SRPK2: variants seen among roughly 807,000 people sequenced by gnomAD.
The protein encoded by SRPK2 is SFRS protein kinase 2.
SRPK2 carries 21 observed loss-of-function variants against 90.8 expected under a neutral mutation model. The ratio of observed to expected loss-of-function variants is 0.23; its 90% CI spans 0.16 to 0.33. SRPK2 has a LOEUF of 0.33. SRPK2 is among the 10% of genes least tolerant of loss of function. The pLI, the probability that SRPK2 is intolerant of heterozygous loss-of-function variation, is 1.00. For missense variants in SRPK2, 620 were observed against 869.0 expected, an observed-to-expected ratio of 0.71 and a Z score of 3.60; for synonymous variants, 288 against 311.1, an observed-to-expected ratio of 0.93 and a Z score of 0.78.
chr7:105,389,801 C>T (rs1822099084), upstream of SRPK2, among the ~76,000 whole-genome samples: 1 of 152,152 alleles, frequency 6.6e-6, no homozygotes, highest in Non-Finnish European at 1.5e-5. Context: ...GCAATGTTCT[C>T]TTATTTATGT....
At chr7:105,149,401 C>A (rs922082753) in intron 7 of SRPK2, among the ~76,000 whole-genome samples, 1 of 152,134 alleles carries the variant, frequency 6.6e-6, no homozygotes, top group Non-Finnish European at 1.5e-5. Flanking sequence ...CTATTGCTCA[C>A]GTGTTTGTTG....
intron 3 of SRPK2, among the ~76,000 whole-genome samples, chr7:105,172,605 TAG>T (rs1791296112): frequency 6.6e-6 from 1 of 152,116 alleles, no homozygotes; most frequent in Non-Finnish European, 1.5e-5. Flanking sequence ...CCATACAAAG[TAG>T]ATGGTATTAT....
At chr7:105,152,259 C>T (rs1412281714) in intron 7 of SRPK2, among the ~76,000 whole-genome samples, 1 of 152,044 alleles carries the variant, frequency 6.6e-6, no homozygotes, top group African/African-American at 2.4e-5. Context: ...AAGCAATTCT[C>T]CTGCCTCAGC....
intron 2 of SRPK2, among the ~76,000 whole-genome samples, chr7:105,245,662 G>A (rs984515208): frequency 5.9e-5 from 9 of 152,192 alleles, no homozygotes; most frequent in Admixed American, 2.6e-4. Context: ...TACAGACTAC[G>A]GGGGAAAATG....
At position 105,372,135 on chromosome 7, in the gene SRPK2, A is replaced by AT. The variant is rs1491376406; in HGVS notation, c.71+16512dup. ...GGGTGACAGAGCAAGACTCCAACTC[A>AT]TAAAAAAAAAAAAAAAAAAAAAAAA... On this transcript the variant is annotated intron_variant, in intron 2 of 15. Transcript: ENST00000393651. 2.3e-5 allele frequency among the ~76,000 whole-genome samples: 2 copies of AT among 87,490 alleles called. 1 individual carries two copies. Among genetic ancestry groups the AT allele is most frequent in the Non-Finnish European group, 5.0e-5 (2 of 39,946 alleles). 57.4% of individuals were successfully genotyped at this position (87,490 alleles called of 152,430 possible).
chr7:105,320,316 T>C (rs1812800503), intron 2 of SRPK2, among the ~76,000 whole-genome samples: 1 of 152,122 alleles, frequency 6.6e-6, no homozygotes, highest in Non-Finnish European at 1.5e-5. Context: ...AATACAAAAA[T>C]TTTACCAGTT....
At chr7:105,127,109 C>CA (rs1407633169) in intron 13 of SRPK2, 47 bp from the exon 14 acceptor site, 2 of 1,584,240 alleles carry the variant, frequency 1.3e-6, no homozygotes, top group African/African-American at 2.7e-5. Flanking sequence ...GACTGGCCCC[C>CA]AAGTCAACAG....
At chr7:105,359,430 T>C (rs1056476481) in intron 2 of SRPK2, among the ~76,000 whole-genome samples, 4 of 152,086 alleles carry the variant, frequency 2.6e-5, no homozygotes, top group African/African-American at 9.7e-5. Flanking sequence ...AGTGACAAGA[T>C]TACAGGCATG....
chr7:105,123,199 A>AGG (rs1448322796), intron 15 of SRPK2, among the ~76,000 whole-genome samples: 3 of 152,218 alleles, frequency 2.0e-5, no homozygotes, highest in African/African-American at 7.2e-5. Context: ...GAGAGCTGTA[A>AGG]TTACATTCCC....
intron 2 of SRPK2, among the ~76,000 whole-genome samples, chr7:105,232,774 GGAGGCT>G (rs1234739975): frequency 6.6e-6 from 1 of 152,026 alleles, no homozygotes; most frequent in Non-Finnish European, 1.5e-5. Flanking sequence ...CAGCACTTTG[GGAGGCT>G]GAGGCAGGTG....
intron 3 of SRPK2, among the ~76,000 whole-genome samples, chr7:105,192,449 GA>G (rs891997373): frequency 1.4e-4 from 22 of 152,214 alleles, no homozygotes; most frequent in Non-Finnish European, 7.3e-5. Flanking sequence ...CTCATTTATT[GA>G]GGGACATTTG....
chr7:105,307,077 T>G (rs1811225403), intron 2 of SRPK2, among the ~76,000 whole-genome samples: 1 of 152,156 alleles, frequency 6.6e-6, no homozygotes, highest in Non-Finnish European at 1.5e-5. Flanking sequence ...AAGATTTAAT[T>G]TAAGGGTCAG....
chr7:105,245,718 T>C (rs1385204605), intron 2 of SRPK2, among the ~76,000 whole-genome samples: 1 of 152,032 alleles, frequency 6.6e-6, no homozygotes, highest in East Asian at 1.9e-4. Flanking sequence ...AACACTTTTT[T>C]TCCCCTCAAG....
Position 105,228,327 on chromosome 7 carries a change from T to C in SRPK2, c.72-24542A>G, listed in dbSNP as rs535782752. ...TCAAATACTGTTTAGAAAATTTCCA[T>C]TGGAAGCTTTATAAAGAAAGCACAT... On this transcript the variant is annotated intron_variant, in intron 2 of 15. Transcript: ENST00000393651. Among the ~76,000 whole-genome samples, 9 of 152,334 alleles carry C rather than the reference T, an allele frequency of 5.9e-5. No homozygotes were observed. The East Asian group carries it at 1.5e-3, about 26-fold the overall frequency.
intron 2 of SRPK2, among the ~76,000 whole-genome samples, chr7:105,326,063 G>A (rs1259481643): frequency 2.0e-5 from 3 of 152,168 alleles, no homozygotes; most frequent in Non-Finnish European, 2.9e-5. Flanking sequence ...CCATCATCCT[G>A]GAAAACAAGG....
intron 2 of SRPK2, among the ~76,000 whole-genome samples, chr7:105,276,429 C>T (rs991427967): frequency 3.3e-5 from 5 of 151,890 alleles, no homozygotes; most frequent in African/African-American, 1.2e-4. Flanking sequence ...TTATCTGGAG[C>T]CACTTTAGAC....
At chr7:105,282,986 T>A (rs1807544406) in intron 2 of SRPK2, among the ~76,000 whole-genome samples, 1 of 150,686 alleles carries the variant, frequency 6.6e-6, no homozygotes, top group African/African-American at 2.4e-5. Flanking sequence ...GGCAAGGGAT[T>A]TAAATATACA....
intron 2 of SRPK2, among the ~76,000 whole-genome samples, chr7:105,317,921 G>A (rs368197077): frequency 1.3e-5 from 2 of 151,840 alleles, no homozygotes; most frequent in South Asian, 4.2e-4. Context: ...GCTAATTTTT[G>A]TATTTTTTTA....
chr7:105,370,604 T>C lies in SRPK2; in HGVS notation c.71+18044A>G, dbSNP rs999298411. Among the ~76,000 whole-genome samples the C allele has an allele frequency of 2.7e-5, 4 of 145,876 alleles. No homozygotes were observed. In the South Asian group the frequency reaches 8.8e-4, roughly 32 times the overall value. The stretch of plus-strand genomic sequence containing the variant: ...CTGACAAGCCAATTTTTTTAATTAA[T>C]TTTTTTTCTTTCTTTTTTTTTTTTT... On this transcript the variant is annotated intron_variant, in intron 2 of 15. Transcript: ENST00000393651.
Sources: allele counts gnomAD v4.1 joint callset (sites outside exome capture counted in the v4.1 genomes callset), GRCh38; gene constraint gnomAD v4.1.1; transcripts MANE v1.5; gene names NCBI Gene and HGNC (gene_info 2026-07-23, HGNC 2026-07-21).